Variants in PLEKHM3 observed in about 807,000 individuals in gnomAD.
The protein encoded by PLEKHM3 is pleckstrin homology domain-containing family M member 3.
PLEKHM3 carries 45 observed loss-of-function variants against 81.8 expected under a neutral mutation model. The observed-to-expected ratio is 0.55, with a 90% CI of 0.43 to 0.71. PLEKHM3 has a LOEUF of 0.71. PLEKHM3 is among the 30% of genes least tolerant of loss of function. The pLI is 0.00. For missense variants in PLEKHM3, 788 were observed against 924.3 expected, an observed-to-expected ratio of 0.85 and a Z score of 1.91; for synonymous variants, 352 against 356.4, an observed-to-expected ratio of 0.99 and a Z score of 0.14.
At chr2:207,995,854 A>C (rs1360043353) in intron 2 of PLEKHM3, among the ~76,000 whole-genome samples, 1 of 152,214 alleles carries the variant, frequency 6.6e-6, no homozygotes, top group Non-Finnish European at 1.5e-5. Flanking sequence ...TCTCTCATAT[A>C]TCCCTTCCCC....
At chr2:207,991,300 C>T (rs548744288) in intron 2 of PLEKHM3, among the ~76,000 whole-genome samples, 1 of 152,312 alleles carries the variant, frequency 6.6e-6, no homozygotes, top group South Asian at 2.1e-4. Context: ...CATTCCATTA[C>T]AATTTCTTGA....
rs368498493 is a variant in PLEKHM3 at position 207,977,435 on chromosome 2, A to G, written c.762T>C (p.Tyr254=). The change falls in exon 3 of 8, where the codon TAT becomes TAC. Residue 254 remains tyrosine, a synonymous_variant. Coordinates refer to ENST00000427836, the MANE Select transcript of PLEKHM3 (RefSeq NM_001080475.3). ...GGAAGTGTGAAAGCTGGTACGTGGCATAAAGGTTTTGATTCCCACTGCTGT... is the reference window on the plus strand; with the variant it reads ...GGAAGTGTGAAAGCTGGTACGTGGCGTAAAGGTTTTGATTCCCACTGCTGT... ...SLDSSGNQNL[Y]ATYQLSHFQS... The G allele has an allele frequency of 1.9e-6, 3 of 1,614,108 alleles. No individual in the cohort carries two copies. The highest frequency in any genetic ancestry group is 2.7e-5 in the African/African-American group (2 of 74,942).
intron 5 of PLEKHM3, among the ~76,000 whole-genome samples, chr2:207,912,624 T>C (rs1688845434): frequency 6.6e-6 from 1 of 152,200 alleles, no homozygotes; most frequent in South Asian, 2.1e-4. Context: ...GGAGTTGTAG[T>C]ATGAAAGCAC....
chr2:207,865,900 G>A (rs1158652789), intron 6 of PLEKHM3, among the ~76,000 whole-genome samples: 4 of 135,718 alleles, frequency 2.9e-5, no homozygotes, highest in African/African-American at 5.5e-5. Context: ...CATATAATAT[G>A]TAGTCTTTTA....
At chr2:207,837,184 T>C (rs1009415429) in intron 7 of PLEKHM3, among the ~76,000 whole-genome samples, 3 of 152,238 alleles carry the variant, frequency 2.0e-5, no homozygotes, top group Non-Finnish European at 2.9e-5. Flanking sequence ...TTTGCTTGAA[T>C]AGGAAATCAG....
chr2:207,961,097 G>A (rs1690715392), intron 3 of PLEKHM3, among the ~76,000 whole-genome samples: 1 of 152,206 alleles, frequency 6.6e-6, no homozygotes, highest in African/African-American at 2.4e-5. Context: ...ATAAATCAGT[G>A]GCAGGACTAT....
Position 207,976,883 on chromosome 2 carries a change from A to C in PLEKHM3, c.1314T>G (p.Ala438=). The part of the protein sequence containing the change: ...IFPQDVLRLR[A]ETRQRAQEWM... The stretch of plus-strand genomic sequence containing the variant: ...ATTCCTGAGCCCTCTGTCGGGTCTC[A>C]GCTCGGAGGCGAAGGACATCCTGGG... Residue 438 remains alanine (A), a synonymous_variant, in exon 3 of 8, where the codon GCT becomes GCG. Transcript: ENST00000427836. The surrounding 1 kb of genome is among the most constrained non-coding windows in gnomAD (Gnocchi z 4.1). 2 of 1,614,222 alleles carry C rather than the reference A, an allele frequency of 1.2e-6. No individual in the cohort carries two copies. Among genetic ancestry groups the C allele is most frequent in the Non-Finnish European group, 1.7e-6 (2 of 1,180,036 alleles).
At chr2:207,875,817 A>AAAC (rs368508005) in intron 6 of PLEKHM3, among the ~76,000 whole-genome samples, 1,854 of 152,006 alleles carry the variant, frequency 0.012, 42 homozygotes, top group East Asian at 0.048. Flanking sequence ...TAAAAAAAGC[A>AAAC]AACAACAACA....
intron 3 of PLEKHM3, among the ~76,000 whole-genome samples, chr2:207,964,405 G>A (rs982457367): frequency 6.6e-6 from 1 of 152,194 alleles, no homozygotes; most frequent in African/African-American, 2.4e-5. Context: ...CACTTTGAGA[G>A]ATCCTGGGGT....
chr2:207,926,840 A>G (rs1468817427), intron 5 of PLEKHM3, among the ~76,000 whole-genome samples: 7 of 152,242 alleles, frequency 4.6e-5, no homozygotes, highest in African/African-American at 1.4e-4. Flanking sequence ...TGAAAGGCCT[A>G]AAAGCAAACT....
At chr2:207,963,675 G>A (rs1338404701) in intron 3 of PLEKHM3, among the ~76,000 whole-genome samples, 3 of 152,138 alleles carry the variant, frequency 2.0e-5, no homozygotes, top group Non-Finnish European at 4.4e-5. Flanking sequence ...GTATTAAAAA[G>A]GAAGCTGGAA....
chr2:207,932,388 G>T (rs914480563), intron 4 of PLEKHM3, among the ~76,000 whole-genome samples: 2 of 152,116 alleles, frequency 1.3e-5, no homozygotes, highest in African/African-American at 2.4e-5. Context: ...CTAATACATA[G>T]AAAGTTGGCT....
intron 5 of PLEKHM3, among the ~76,000 whole-genome samples, chr2:207,922,872 A>G (rs564626684): frequency 6.6e-6 from 1 of 152,160 alleles, no homozygotes; most frequent in East Asian, 1.9e-4. Context: ...CCAGATGATC[A>G]CTGCTGGAAG....
chr2:207,883,249 T>C (rs1687764471), intron 6 of PLEKHM3, among the ~76,000 whole-genome samples: 1 of 152,162 alleles, frequency 6.6e-6, no homozygotes, highest in Admixed American at 6.5e-5. Context: ...ACTGAAAGAA[T>C]TTCAGATAGC....
At chr2:207,930,877 G>A in intron 5 of PLEKHM3, 49 bp downstream of exon 5, 2 of 1,591,402 alleles carry the variant, frequency 1.3e-6, no homozygotes, top group Non-Finnish European at 1.7e-6. Flanking sequence ...ACCCTCCGTG[G>A]GCGGGAAAGA....
At chr2:207,970,501 G>A (rs2106016626) in intron 3 of PLEKHM3, among the ~76,000 whole-genome samples, 1 of 152,246 alleles carries the variant, frequency 6.6e-6, no homozygotes, top group African/African-American at 2.4e-5. Flanking sequence ...GCCCCGAGGT[G>A]CTGTCATGTC....
intron 1 of PLEKHM3, among the ~76,000 whole-genome samples, chr2:208,023,701 T>C (rs1444425765): frequency 6.6e-6 from 1 of 151,582 alleles, no homozygotes; most frequent in Non-Finnish European, 1.5e-5. Context: ...ACCCCCCTAC[T>C]CCCCGACCCC....
intron 6 of PLEKHM3, among the ~76,000 whole-genome samples, chr2:207,871,515 G>A (rs2092534252): frequency 6.6e-6 from 1 of 152,080 alleles, no homozygotes; most frequent in Non-Finnish European, 1.5e-5. Flanking sequence ...GCTCTCTGCT[G>A]GAAACTAGGT....
intron 2 of PLEKHM3, among the ~76,000 whole-genome samples, chr2:207,999,374 G>C (rs534313094): frequency 7.2e-5 from 11 of 152,008 alleles, no homozygotes; most frequent in African/African-American, 2.7e-4. Context: ...CAGCTACTTG[G>C]GTGGCTGAAA....
Sources: allele counts gnomAD v4.1 joint callset (sites outside exome capture counted in the v4.1 genomes callset), GRCh38; gene constraint gnomAD v4.1.1; non-coding constraint Gnocchi (gnomAD v3.1); transcripts MANE v1.5; gene names NCBI Gene and HGNC (gene_info 2026-07-23, HGNC 2026-07-21).